Variants in PTPRD observed in about 807,000 individuals in gnomAD.
PTPRD encodes the protein receptor-type tyrosine-protein phosphatase delta.
A neutral mutation model predicts 214.5 loss-of-function variants in PTPRD; 34 were observed. The ratio of observed to expected loss-of-function variants is 0.16; its 90% CI spans 0.12 to 0.21. PTPRD has a LOEUF of 0.21. Ranked by LOEUF, PTPRD falls within the 10% of genes least tolerant of loss-of-function variation. PTPRD has a pLI of 1.00. For synonymous variants in PTPRD, 1,128 were observed against 845.7 expected (o/e 1.33, Z -5.79); for missense variants, 2,545 against 2,398.7 (o/e 1.06, Z -1.27).
chr9:9,720,312 A>G (rs1378355635), intron 7 of PTPRD, among the ~76,000 whole-genome samples: 1 of 152,254 alleles, frequency 6.6e-6, no homozygotes, highest in Non-Finnish European at 1.5e-5. Flanking sequence ...AATTGTCAAC[A>G]GTCACAGAAG....
intron 2 of PTPRD, among the ~76,000 whole-genome samples, chr9:10,608,898 C>T (rs564547554): frequency 6.6e-6 from 1 of 152,052 alleles, no homozygotes; most frequent in African/African-American, 2.4e-5. Context: ...TTTACGGATG[C>T]CAAATGCTTT....
intron 9 of PTPRD, among the ~76,000 whole-genome samples, chr9:9,184,518 C>T (rs549517009): frequency 2.0e-5 from 3 of 152,178 alleles, no homozygotes; most frequent in South Asian, 4.1e-4. Context: ...GGTCTATTCA[C>T]AGTACAGTGT....
chr9:9,065,437 AAGG>A (rs1466483817), intron 10 of PTPRD, among the ~76,000 whole-genome samples: 3 of 152,308 alleles, frequency 2.0e-5, no homozygotes, highest in African/African-American at 7.2e-5. Context: ...GAGGAACACC[AAGG>A]AGGTCAGTGT....
chr9:9,349,171 C>T (rs1469716948), intron 9 of PTPRD, among the ~76,000 whole-genome samples: 1 of 152,058 alleles, frequency 6.6e-6, no homozygotes, highest in African/African-American at 2.4e-5. Flanking sequence ...GATCATATCA[C>T]TTCTCTGCTT....
chr9:8,394,340 T>C (rs948461136), intron 36 of PTPRD, among the ~76,000 whole-genome samples: 3 of 152,142 alleles, frequency 2.0e-5, no homozygotes, highest in Non-Finnish European at 4.4e-5. Context: ...AAAAGCAGGA[T>C]GCAAAATAAT....
At chr9:8,570,702 C>G (rs1016082240) in intron 14 of PTPRD, among the ~76,000 whole-genome samples, 2 of 151,942 alleles carry the variant, frequency 1.3e-5, no homozygotes, top group African/African-American at 4.8e-5. Context: ...GTGATGGAAT[C>G]AATACAGATC....
intron 3 of PTPRD, among the ~76,000 whole-genome samples, chr9:10,139,162 G>T (rs1014095243): frequency 1.3e-5 from 2 of 151,750 alleles, no homozygotes; most frequent in East Asian, 1.9e-4. Context: ...CCCCCAAAAG[G>T]CACTTAGAAC....
chr9:9,462,116 T>G (rs1383646867), intron 8 of PTPRD, among the ~76,000 whole-genome samples: 1 of 152,140 alleles, frequency 6.6e-6, no homozygotes, highest in East Asian at 1.9e-4. Context: ...GATCTGCAAA[T>G]AGTCGACTCA....
At chr9:8,988,700 C>A (rs1368528595) in intron 11 of PTPRD, among the ~76,000 whole-genome samples, 1 of 152,140 alleles carries the variant, frequency 6.6e-6, no homozygotes, top group African/African-American at 2.4e-5. Flanking sequence ...TCCTTCAACA[C>A]ATTGTTTTAT....
chr9:9,860,957 T>A (rs1340173119), intron 5 of PTPRD, among the ~76,000 whole-genome samples: 1 of 152,208 alleles, frequency 6.6e-6, no homozygotes. Context: ...AAAGCTAAAA[T>A]TGTGTATTGG....
intron 2 of PTPRD, among the ~76,000 whole-genome samples, chr9:10,477,817 C>T (rs938683686): frequency 2.0e-5 from 3 of 151,992 alleles, no homozygotes; most frequent in East Asian, 1.9e-4. Flanking sequence ...AGGATGAGTT[C>T]ATGTCCTTTG....
chr9:8,750,823 G>C (rs1235523428), intron 11 of PTPRD, among the ~76,000 whole-genome samples: 1 of 152,168 alleles, frequency 6.6e-6, no homozygotes, highest in East Asian at 1.9e-4. Context: ...GATTGCATCT[G>C]AAATGCAGTG....
At chr9:9,037,987 G>A (rs981282103) in intron 10 of PTPRD, among the ~76,000 whole-genome samples, 1 of 152,148 alleles carries the variant, frequency 6.6e-6, no homozygotes, top group African/African-American at 2.4e-5. Context: ...TCTATAAAAT[G>A]AGAATAACTT....
At chr9:10,469,708 C>G (rs1027825910) in intron 2 of PTPRD, among the ~76,000 whole-genome samples, 1 of 151,382 alleles carries the variant, frequency 6.6e-6, no homozygotes, top group Non-Finnish European at 1.5e-5. Context: ...TGTGTGCACT[C>G]CCACGTTTAT....
intron 12 of PTPRD, among the ~76,000 whole-genome samples, chr9:8,711,013 C>T (rs1451209167): frequency 6.6e-6 from 1 of 151,990 alleles, no homozygotes; most frequent in Non-Finnish European, 1.5e-5. Flanking sequence ...GTAATTAATG[C>T]TAGATGTGAA....
intron 8 of PTPRD, among the ~76,000 whole-genome samples, chr9:9,441,223 C>A (rs1402083086): frequency 6.6e-6 from 1 of 152,132 alleles, no homozygotes. Context: ...ACAAGCCTAT[C>A]CTCGAAGCGG....
At chr9:9,875,792 A>G (rs1454961095) in intron 5 of PTPRD, among the ~76,000 whole-genome samples, 1 of 152,114 alleles carries the variant, frequency 6.6e-6, no homozygotes, top group Non-Finnish European at 1.5e-5. Context: ...AATCCACAAC[A>G]CCAGTTAATC....
At chr9:9,629,061 C>T (rs1010905544) in intron 7 of PTPRD, among the ~76,000 whole-genome samples, 54 of 151,764 alleles carry the variant, frequency 3.6e-4, no homozygotes, top group Non-Finnish European at 6.6e-4. Flanking sequence ...GTAATCCCAG[C>T]TACTCAGGAG....
At chr9:10,281,871 T>C (rs933656483) in intron 3 of PTPRD, among the ~76,000 whole-genome samples, 6 of 152,176 alleles carry the variant, frequency 3.9e-5, no homozygotes, top group African/African-American at 1.4e-4. Context: ...TAGCATTCTA[T>C]TGCATTTATC....
Sources: allele counts gnomAD v4.1 joint callset (sites outside exome capture counted in the v4.1 genomes callset), GRCh38; gene constraint gnomAD v4.1.1; transcripts MANE v1.5; gene names NCBI Gene and HGNC (gene_info 2026-07-23, HGNC 2026-07-21).